Variants in SORCS1 observed in about 807,000 individuals in gnomAD.
The protein encoded by SORCS1 is VPS10 domain-containing receptor SorCS1.
A neutral mutation model predicts 146.1 loss-of-function variants in SORCS1; 60 were observed. That is an observed-to-expected ratio of 0.41 (90% CI 0.33 to 0.51). The LOEUF (loss-of-function observed/expected upper bound fraction) is 0.51. SORCS1 is among the 20% of genes least tolerant of loss of function. The probability of loss-of-function intolerance (pLI) is 0.21; values close to 1 mark genes in which losing one functional copy is unlikely to be tolerated. For synonymous variants in SORCS1, 637 were observed against 584.0 expected, an observed-to-expected ratio of 1.09 and a Z score of -1.31; for missense variants, 1,352 against 1,487.6, an observed-to-expected ratio of 0.91 and a Z score of 1.50.
At chr10:107,167,859 G>A (rs1353459890), upstream of SORCS1, among the ~76,000 whole-genome samples, 3 of 151,910 alleles carry the variant, frequency 2.0e-5, no homozygotes, top group Non-Finnish European at 4.4e-5. Context: ...AAGAAGCAGA[G>A]GCAGAAAGAC....
intron 3 of SORCS1, among the ~76,000 whole-genome samples, chr10:106,801,367 C>A (rs1329078536): frequency 6.6e-6 from 1 of 151,880 alleles, no homozygotes; most frequent in African/African-American, 2.4e-5. Context: ...TATATATTAA[C>A]CATAATTGGT....
At position 106,874,873 on chromosome 10, in the gene SORCS1, C is replaced by T. The variant is rs373163159; in HGVS notation, c.627-45200G>A. ...TTTTATTATGTGTAAAGTAAGAAAT[C>T]ATATGAGGGATTTCAGCAAAGACAT... On this transcript the variant is annotated intron_variant, in intron 2 of 25. Coordinates refer to ENST00000263054, the MANE Select transcript of SORCS1 (RefSeq NM_052918.5). Among the ~76,000 whole-genome samples the T allele has an allele frequency of 1.8e-4, 27 of 152,284 alleles. 2 individuals carry two copies. The highest frequency in any genetic ancestry group is 5.8e-4 in the African/African-American group (24 of 41,560).
At chr10:107,136,773 A>C (rs1967336722) in intron 1 of SORCS1, among the ~76,000 whole-genome samples, 1 of 152,168 alleles carries the variant, frequency 6.6e-6, no homozygotes, top group South Asian at 2.1e-4. Flanking sequence ...CCAGGTTTCA[A>C]GCACACGCTA....
At chr10:107,115,393 G>A (rs1344398447) in intron 1 of SORCS1, among the ~76,000 whole-genome samples, 2 of 151,988 alleles carry the variant, frequency 1.3e-5, no homozygotes, top group Non-Finnish European at 2.9e-5. Context: ...TACGGTATTG[G>A]CATAAAAACA....
intron 2 of SORCS1, among the ~76,000 whole-genome samples, chr10:106,916,538 CTA>C (rs1228061087): frequency 1.4e-5 from 2 of 143,620 alleles, no homozygotes; most frequent in Non-Finnish European, 3.0e-5. Flanking sequence ...TTATGTGTAT[CTA>C]TGCACACGAT....
chr10:106,906,817 C>T (rs1401054955), intron 2 of SORCS1, among the ~76,000 whole-genome samples: 7 of 152,112 alleles, frequency 4.6e-5, no homozygotes, highest in Non-Finnish European at 8.8e-5. Flanking sequence ...GCTTGGATTC[C>T]AAAGCATCTG....
intron 1 of SORCS1, among the ~76,000 whole-genome samples, chr10:107,155,536 C>T (rs1015050984): frequency 1.4e-4 from 21 of 152,142 alleles, no homozygotes; most frequent in African/African-American, 3.6e-4. Context: ...CAAGTCAGGG[C>T]GAGCAGGGCT....
intron 1 of SORCS1, among the ~76,000 whole-genome samples, chr10:107,157,241 G>A (rs1969357483): frequency 6.6e-6 from 1 of 151,974 alleles, no homozygotes; most frequent in Non-Finnish European, 1.5e-5. Flanking sequence ...TCTAACTCTT[G>A]CCTGTGATGG....
chr10:106,851,581 A>G (rs535947815), intron 2 of SORCS1, among the ~76,000 whole-genome samples: 3 of 152,332 alleles, frequency 2.0e-5, no homozygotes, highest in Non-Finnish European at 4.4e-5. Flanking sequence ...CCTTCACACA[A>G]TAACAAACTG....
intron 2 of SORCS1, among the ~76,000 whole-genome samples, chr10:106,935,045 A>G (rs1953641217): frequency 6.6e-6 from 1 of 152,188 alleles, no homozygotes; most frequent in Non-Finnish European, 1.5e-5. Flanking sequence ...AAAAACCACG[A>G]GTACCCCAAA....
chr10:106,942,283 G>A (rs929534297), intron 2 of SORCS1, among the ~76,000 whole-genome samples: 1 of 152,058 alleles, frequency 6.6e-6, no homozygotes, highest in Non-Finnish European at 1.5e-5. Context: ...TTCACTGTTT[G>A]TCCTCCTCCC....
chr10:107,137,624 A>C (rs1967429933), intron 1 of SORCS1, among the ~76,000 whole-genome samples: 1 of 152,156 alleles, frequency 6.6e-6, no homozygotes, highest in African/African-American at 2.4e-5. Context: ...ACACTTTGCG[A>C]GGTTGAGGCG....
At chr10:107,139,355 T>C (rs939622821) in intron 1 of SORCS1, among the ~76,000 whole-genome samples, 1 of 151,980 alleles carries the variant, frequency 6.6e-6, no homozygotes, top group African/African-American at 2.4e-5. Flanking sequence ...AAAAAAAAAG[T>C]CAAGACAAAA....
At position 106,771,974 on chromosome 10, in the gene SORCS1, C is replaced by A. The variant is rs75472018; in HGVS notation, c.885+4560G>T. On this transcript the variant is annotated intron_variant, in intron 4 of 25. Coordinates refer to ENST00000263054, the MANE Select transcript of SORCS1 (RefSeq NM_052918.5). ...GTGCCTGGATAGCCACATCCCCAGACAAGATAGCATTTACCTCTTGGCAAC... is the reference window on the plus strand; with the variant it reads ...GTGCCTGGATAGCCACATCCCCAGAAAAGATAGCATTTACCTCTTGGCAAC... Among the ~76,000 whole-genome samples the A allele has an allele frequency of 9.3e-3, 1,419 of 152,300 alleles. 22 individuals are homozygous for A. Among genetic ancestry groups the A allele is most frequent in the African/African-American group, 0.032 (1,350 of 41,556 alleles).
chr10:106,928,559 T>A (rs1426953330), intron 2 of SORCS1, among the ~76,000 whole-genome samples: 3 of 152,210 alleles, frequency 2.0e-5, no homozygotes, highest in Non-Finnish European at 4.4e-5. Context: ...AGCGGTGGGC[T>A]GAAGGGCTCC....
At chr10:106,616,368 T>C (rs1847360660) in intron 21 of SORCS1, among the ~76,000 whole-genome samples, 1 of 152,134 alleles carries the variant, frequency 6.6e-6, no homozygotes, top group Non-Finnish European at 1.5e-5. Context: ...ATAGTTTCAG[T>C]GCATGGGCCC....
At chr10:107,137,213 A>G (rs71475448) in intron 1 of SORCS1, among the ~76,000 whole-genome samples, 266 of 152,272 alleles carry the variant, frequency 1.7e-3, no homozygotes, top group Non-Finnish European at 3.0e-3. Context: ...GATGAAGCCA[A>G]CCTTGGGTGT....
intron 1 of SORCS1, among the ~76,000 whole-genome samples, chr10:107,055,612 T>C (rs78796715): frequency 1.1e-3 from 170 of 152,348 alleles, no homozygotes; most frequent in Admixed American, 3.6e-3. Context: ...CATCCATTAA[T>C]ACACAAAGTT....
intron 1 of SORCS1, among the ~76,000 whole-genome samples, chr10:106,989,972 C>T (rs1956699160): frequency 6.6e-6 from 1 of 152,110 alleles, no homozygotes; most frequent in Non-Finnish European, 1.5e-5. Context: ...AGGCATGAGC[C>T]ACCACACCCG....
Sources: allele counts gnomAD v4.1 joint callset (sites outside exome capture counted in the v4.1 genomes callset), GRCh38; gene constraint gnomAD v4.1.1; transcripts MANE v1.5; gene names NCBI Gene and HGNC (gene_info 2026-07-23, HGNC 2026-07-21).